ZFHX4: variants seen among roughly 807,000 people sequenced by gnomAD.
The protein encoded by ZFHX4 is zinc finger homeobox protein 4.
ZFHX4 carries 56 observed loss-of-function variants against 267.6 expected under a neutral mutation model. The ratio of observed to expected loss-of-function variants is 0.21; its 90% CI spans 0.17 to 0.26. The LOEUF is 0.26. ZFHX4 is among the 10% of genes least tolerant of loss of function. ZFHX4 has a pLI of 1.00. For synonymous variants in ZFHX4, 1,778 were observed against 1,665.6 expected (o/e 1.07, Z -1.64); for missense variants, 4,332 against 4,420.0 (o/e 0.98, Z 0.56).
intron 4 of ZFHX4, among the ~76,000 whole-genome samples, chr8:76,821,584 C>A (rs1471565418): frequency 6.6e-6 from 1 of 151,692 alleles, no homozygotes; most frequent in African/African-American, 2.4e-5. Flanking sequence ...TTTTCTCCTA[C>A]CTCATTCCTG....
At chr8:76,833,063 A>T (rs1368250377) in intron 4 of ZFHX4, among the ~76,000 whole-genome samples, 1 of 152,186 alleles carries the variant, frequency 6.6e-6, no homozygotes, top group African/African-American at 2.4e-5. Context: ...CCAATGACAA[A>T]AATCATGATG....
chr8:76,851,640 G>T lies in ZFHX4; in HGVS notation c.4719G>T (p.Leu1573Phe), dbSNP rs1481151657. 3.7e-6 allele frequency: 6 copies of T among 1,613,736 alleles called. No individual in the cohort carries two copies. The highest frequency in any genetic ancestry group is 4.2e-6 in the Non-Finnish European group (5 of 1,179,800). The change falls in exon 10 of 11, where the codon TTG becomes TTT. Residue 1573 changes from leucine (L) to phenylalanine (F), a missense_variant. Physicochemically the swap from Leu to Phe is conservative, Grantham distance 22. Transcript: ENST00000651372. Reference protein sequence around the residue: ...VSHLHKLKKVLQEASSPVPQE... With the variant: ...VSHLHKLKKVFQEASSPVPQE... ...ACTTGCATAAGCTGAAAAAAGTTTTGCAGGAAGCCTCCAGTCCTGTCCCAC... is the reference window on the plus strand; with the variant it reads ...ACTTGCATAAGCTGAAAAAAGTTTTTCAGGAAGCCTCCAGTCCTGTCCCAC...
chr8:76,857,689 G>A (rs1812768830), intron 10 of ZFHX4, among the ~76,000 whole-genome samples: 2 of 152,014 alleles, frequency 1.3e-5, no homozygotes, highest in Non-Finnish European at 1.5e-5. Context: ...TCCTTGAACT[G>A]TCATACCAAC....
Position 76,802,919 on chromosome 8 carries a change from G to A in ZFHX4, c.3325+24480G>A, listed in dbSNP as rs570055343. 6.6e-5 allele frequency among the ~76,000 whole-genome samples: 10 copies of A among 152,178 alleles called. No homozygotes were observed. In the East Asian group the frequency reaches 9.7e-4, roughly 15 times the overall value. On this transcript the variant is annotated intron_variant, in intron 4 of 10. Coordinates refer to ENST00000651372, the MANE Select transcript of ZFHX4 (RefSeq NM_024721.5). ...ATTGGAATGTAAATGCCCTTATTACGTAAGAGAAAATAATAAGAAATCCTT... is the reference window on the plus strand; with the variant it reads ...ATTGGAATGTAAATGCCCTTATTACATAAGAGAAAATAATAAGAAATCCTT...
intron 3 of ZFHX4, among the ~76,000 whole-genome samples, chr8:76,738,414 C>T (rs1809222349): frequency 6.6e-6 from 1 of 152,050 alleles, no homozygotes; most frequent in African/African-American, 2.4e-5. Flanking sequence ...GTTCAGGTTG[C>T]CTAAGTGGAA....
chr8:76,684,308 G>T (rs1375705760), intron 1 of ZFHX4, among the ~76,000 whole-genome samples: 2 of 151,910 alleles, frequency 1.3e-5, no homozygotes, highest in African/African-American at 2.4e-5. Context: ...TGTGGTTTCA[G>T]TCAGCAGGAA....
chr8:76,808,329 C>T (rs1811294984), intron 4 of ZFHX4, among the ~76,000 whole-genome samples: 1 of 152,144 alleles, frequency 6.6e-6, no homozygotes, highest in South Asian at 2.1e-4. Context: ...ATTCTTCCTT[C>T]TGTAATACTA....
At chr8:76,692,435 C>T (rs948087759) in intron 1 of ZFHX4, among the ~76,000 whole-genome samples, 1 of 152,038 alleles carries the variant, frequency 6.6e-6, no homozygotes, top group East Asian at 1.9e-4. Flanking sequence ...ATCCTGTTGA[C>T]CAAAATTTAT....
intron 3 of ZFHX4, among the ~76,000 whole-genome samples, chr8:76,755,384 G>C (rs2131717404): frequency 6.6e-6 from 1 of 152,116 alleles, no homozygotes; most frequent in Admixed American, 6.5e-5. Flanking sequence ...TAAATGTTAG[G>C]AAATATTTTT....
intron 3 of ZFHX4, among the ~76,000 whole-genome samples, chr8:76,748,714 A>G (rs1273812151): frequency 2.6e-5 from 4 of 152,074 alleles, no homozygotes; most frequent in African/African-American, 9.7e-5. Flanking sequence ...TCTTTTCTTT[A>G]AAAACAAAAA....
intron 3 of ZFHX4, among the ~76,000 whole-genome samples, chr8:76,725,076 G>T (rs941653933): frequency 2.6e-5 from 4 of 152,154 alleles, no homozygotes; most frequent in Non-Finnish European, 4.4e-5. Flanking sequence ...TCCTGTGTAT[G>T]AAAGGGAACT....
intron 3 of ZFHX4, among the ~76,000 whole-genome samples, chr8:76,732,442 TAG>T (rs1809046399): frequency 1.3e-5 from 2 of 151,916 alleles, no homozygotes; most frequent in African/African-American, 4.8e-5. Flanking sequence ...ATTTAAAATG[TAG>T]CTAAAAATTA....
At chr8:76,703,122 C>A (rs921597003) in intron 1 of ZFHX4, among the ~76,000 whole-genome samples, 4 of 151,908 alleles carry the variant, frequency 2.6e-5, no homozygotes, top group Admixed American at 6.5e-5. Flanking sequence ...GTCTAAGACG[C>A]CTGCTTGCAA....
chr8:76,829,875 T>C lies in ZFHX4; in HGVS notation c.3326-3463T>C, dbSNP rs1187666927. ...ATCTTGGTTTTTGTAGATGTAACCA[T>C]TTGGGTTACGCTAAAGAAATAGGTG... On this transcript the variant is annotated intron_variant, in intron 4 of 10. Transcript: ENST00000651372. Among the ~76,000 whole-genome samples, 3 of 151,986 alleles carry C rather than the reference T, an allele frequency of 2.0e-5. 1 individual carries two copies. The South Asian group carries it at 6.2e-4, about 32-fold the overall frequency.
At position 76,705,191 on chromosome 8, in the gene ZFHX4, A is replaced by C; in HGVS notation, c.1103A>C (p.His368Pro). The C allele has an allele frequency of 6.2e-7, 1 of 1,613,958 alleles. No individual in the cohort carries two copies. Among genetic ancestry groups the C allele is most frequent in the Non-Finnish European group, 8.5e-7 (1 of 1,179,902 alleles). ...TTCCGCGGTTTATGGAGCGCTTTTCATGTTGAAAATGGTGACTCTTTGCCG... is the reference window on the plus strand; with the variant it reads ...TTCCGCGGTTTATGGAGCGCTTTTCCTGTTGAAAATGGTGACTCTTTGCCG... Reference protein sequence around the residue: ...PTFRGLWSAFHVENGDSLPAG... With the variant: ...PTFRGLWSAFPVENGDSLPAG... The change falls in exon 2 of 11, where the codon CAT becomes CCT. Residue 368 changes from histidine to proline, a missense_variant. By Grantham distance (77) the His-to-Pro change is moderately conservative (BLOSUM62 -2). This residue lies in a region of ZFHX4 where 1,195 missense variants were observed against 1,173.6 expected (regional missense o/e 1.02). Transcript: ENST00000651372.
At chr8:76,703,780 T>A (rs1427856383) in intron 1 of ZFHX4, among the ~76,000 whole-genome samples, 1 of 152,212 alleles carries the variant, frequency 6.6e-6, no homozygotes, top group Non-Finnish European at 1.5e-5. Context: ...GGATTATTGA[T>A]ATAAATTTTA....
chr8:76,693,131 T>G (rs1280588852), intron 1 of ZFHX4, among the ~76,000 whole-genome samples: 1 of 152,180 alleles, frequency 6.6e-6, no homozygotes, highest in Non-Finnish European at 1.5e-5. Flanking sequence ...ATATCCACAG[T>G]GATGGACATA....
At chr8:76,835,343 A>C (rs1374498781) in intron 5 of ZFHX4, among the ~76,000 whole-genome samples, 1 of 150,040 alleles carries the variant, frequency 6.7e-6, no homozygotes, top group African/African-American at 2.4e-5. Context: ...ATTCACTCCT[A>C]CTACTACAAC....
intron 10 of ZFHX4, among the ~76,000 whole-genome samples, chr8:76,858,122 C>T (rs183157780): frequency 3.3e-5 from 5 of 152,260 alleles, no homozygotes; most frequent in East Asian, 1.9e-4. Flanking sequence ...GGCCTTTGTT[C>T]GGACAGTGGT....
Sources: gnomAD v4.1 joint callset for allele counts (sites outside exome capture counted in the v4.1 genomes callset) on GRCh38, gnomAD v4.1.1 for gene constraint, gnomAD v4.1.1 regional missense constraint, MANE v1.5 for transcripts, NCBI Gene and HGNC (gene_info 2026-07-23, HGNC 2026-07-21) for gene names.